HCRTR1: variants seen among roughly 807,000 people sequenced by gnomAD.
HCRTR1 encodes orexin/Hypocretin receptor type 1.
In HCRTR1, 28 loss-of-function variants were observed where a neutral mutation model predicts 40.6. The observed-to-expected ratio is 0.69, with a 90% confidence interval of 0.51 to 0.95. The LOEUF is 0.95. HCRTR1 is among the 40% of genes least tolerant of loss of function. The pLI, the probability that HCRTR1 is intolerant of heterozygous loss-of-function variation, is 0.00. For synonymous variants in HCRTR1, 209 were observed against 230.0 expected (o/e 0.91, Z 0.83); for missense variants, 482 against 564.7 (o/e 0.85, Z 1.48).
In HCRTR1 at chr1:31,620,942, C is replaced by T. The variant is rs202061731; in HGVS notation, c.478C>T (p.Arg160Trp). ...HPLLFKSTAR[R>W]ARGSILGIWA... ...ACTATTGTTCAAGAGCACAGCCCGG[C>T]GGGCCCGTGGCTCCATCCTGGGCAT... Residue 160 changes from arginine (R) to tryptophan (W), a missense_variant, in exon 5 of 9, where the codon CGG becomes TGG. Arg to Trp is a moderately radical substitution (Grantham distance 101). Coordinates refer to ENST00000403528, the MANE Select transcript of HCRTR1 (RefSeq NM_001525.3). 8.4e-5 allele frequency: 135 copies of T among 1,614,012 alleles called. No homozygotes were observed. Among genetic ancestry groups the T allele is most frequent in the African/African-American group, 6.7e-5 (5 of 74,940 alleles).
At chr1:31,620,428 A>G (rs1385772059) in intron 4 of HCRTR1, among the ~76,000 whole-genome samples, 1 of 152,192 alleles carries the variant, frequency 6.6e-6, no homozygotes, top group African/African-American at 2.4e-5. Context: ...GAGCATAAAG[A>G]CAGATGGATG....
rs201032629 is a variant in HCRTR1 at position 31,624,976 on chromosome 1, G to A, written c.966-21G>A. ...CATACGCAGCTACCCCATTTCTGAC[G>A]CTCCTCCACCCTGGGCCTAGGGTGT... On this transcript the variant is annotated intron_variant, in intron 7 of 8. Coordinates refer to ENST00000403528, the MANE Select transcript of HCRTR1 (RefSeq NM_001525.3). 467 of 1,573,216 alleles carry A rather than the reference G, an allele frequency of 3.0e-4. 2 individuals are homozygous for A. The highest frequency in any genetic ancestry group is 3.3e-4 in the Non-Finnish European group (382 of 1,153,140).
chr1:31,631,713 A>G (rs897730807), downstream of HCRTR1, among the ~76,000 whole-genome samples: 8 of 152,246 alleles, frequency 5.3e-5, no homozygotes, highest in East Asian at 1.3e-3. Context: ...GTTGTGGTTA[A>G]TATCACCCTT....
In HCRTR1 at chr1:31,627,280, G is replaced by T; in HGVS notation, c.*300G>T. 1 of 1,397,932 alleles carries T rather than the reference G, an allele frequency of 7.2e-7. No homozygotes were observed. The highest frequency in any genetic ancestry group is 9.4e-7 in the Non-Finnish European group (1 of 1,059,250). The allele number at this position is 1,397,932 out of a possible 1,614,324, so 86.6% of individuals were successfully genotyped here. ...AATCTGTCCCCATCCTCCTTCCAGA[G>T]CTTGGTCATCCTCCTAAAGACCCCT... On this transcript the variant is annotated 3_prime_UTR_variant, in exon 9 of 9. Transcript: ENST00000403528.
In HCRTR1 at chr1:31,626,806, G is replaced by A; in HGVS notation, c.1104G>A (p.Gln368=). ...YNFLSGKFRE[Q]FKAAFSCCLP... is the part of the protein sequence containing the mutation. The stretch of plus-strand genomic sequence containing the variant: ...CCAACCAAGGCAAATTCCGGGAGCA[G>A]TTTAAGGCTGCCTTCTCCTGCTGCC... The change falls in exon 9 of 9, where the codon CAG becomes CAA. Residue 368 remains glutamine (Q), a synonymous_variant. Transcript: ENST00000403528. The surrounding 1 kb of genome is among the most constrained non-coding windows in gnomAD (Gnocchi z 4.6). 4 of 1,613,970 alleles carry A rather than the reference G, an allele frequency of 2.5e-6. No individual in the cohort carries two copies. Among genetic ancestry groups the A allele is most frequent in the Non-Finnish European group, 3.4e-6 (4 of 1,179,922 alleles).
rs375159606 is a variant in HCRTR1, at chr1:31,627,003, C to T, written c.*23C>T. On this transcript the variant is annotated 3_prime_UTR_variant, in exon 9 of 9. Transcript: ENST00000403528. Reference sequence around the variant, plus strand: ...TGAGCGAGGGCTGCCCTGGAGGCTCCGGCTCGGGGGATCTGCCCCTACCCC... The same window carrying T: ...TGAGCGAGGGCTGCCCTGGAGGCTCTGGCTCGGGGGATCTGCCCCTACCCC... 55 of 1,596,860 alleles carry T rather than the reference C, an allele frequency of 3.4e-5. No homozygotes were observed. Among genetic ancestry groups the T allele is most frequent in the Admixed American group, 1.3e-4 (8 of 59,320 alleles).
chr1:31,631,930 C>CG (rs999420020), downstream of HCRTR1, among the ~76,000 whole-genome samples: 1 of 152,008 alleles, frequency 6.6e-6, no homozygotes, highest in Non-Finnish European at 1.5e-5. Flanking sequence ...GGGTCCTCCC[C>CG]CAACCTCTTA....
chr1:31,629,471 T>C (rs1640037245), downstream of HCRTR1, among the ~76,000 whole-genome samples: 1 of 152,232 alleles, frequency 6.6e-6, no homozygotes, highest in Non-Finnish European at 1.5e-5. Context: ...GACTTGCAAG[T>C]ACAGATGTCT....
downstream of HCRTR1, chr1:31,630,681 C>A (rs539499336): frequency 6.2e-7 from 1 of 1,613,846 alleles, no homozygotes; most frequent in East Asian, 2.2e-5. Flanking sequence ...CCTTGTACAG[C>A]TGTGTCCTTC....
chr1:31,627,674 T>C (rs1557581210), downstream of HCRTR1: 1 of 276,982 alleles, frequency 3.6e-6, no homozygotes, highest in Non-Finnish European at 7.2e-6. Context: ...CAGAAGAAGG[T>C]GGGGAAGCTG....
At chr1:31,624,448 CAAAA>C (rs11438872) in intron 7 of HCRTR1, among the ~76,000 whole-genome samples, 1 of 111,046 alleles carries the variant, frequency 9.0e-6, no homozygotes, top group African/African-American at 5.0e-5. Context: ...ACAGCTGTCT[CAAAA>C]AAAAAAAAAA....
At chr1:31,622,467 C>A (rs895447411) in intron 6 of HCRTR1, among the ~76,000 whole-genome samples, 2 of 152,050 alleles carry the variant, frequency 1.3e-5, no homozygotes. Context: ...CAGTAGGACC[C>A]TTCCTGACTG....
downstream of HCRTR1, chr1:31,633,126 C>T (rs1312155582): frequency 8.8e-6 from 14 of 1,594,348 alleles, no homozygotes; most frequent in Non-Finnish European, 1.1e-5. Context: ...GGCTCTGCCC[C>T]AGCTCAGGCC....
Position 31,626,864 on chromosome 1 carries a change from G to A in HCRTR1, c.1162G>A (p.Ala388Thr). The A allele has an allele frequency of 1.9e-6, 3 of 1,613,996 alleles. No homozygotes were observed. The highest frequency in any genetic ancestry group is 1.1e-5 in the South Asian group (1 of 91,086). ...CCTGGGTCCCTGCGGCTCTCTGAAG[G>A]CCCCTAGTCCCCGCTCCTCTGCCAG... is the stretch of plus-strand genomic sequence containing the variant. ...PGLGPCGSLK[A>T]PSPRSSASHK... Residue 388 changes from alanine to threonine, a missense_variant, in exon 9 of 9, where the codon GCC becomes ACC. By Grantham distance (58) the Ala-to-Thr change is moderately conservative. Coordinates refer to ENST00000403528, the MANE Select transcript of HCRTR1 (RefSeq NM_001525.3). The surrounding 1 kb of genome is among the most constrained non-coding windows in gnomAD (Gnocchi z 4.6).
At chr1:31,633,785 G>A (rs1180523204), downstream of HCRTR1, among the ~76,000 whole-genome samples, 3 of 152,004 alleles carry the variant, frequency 2.0e-5, no homozygotes, top group South Asian at 2.1e-4. Context: ...GAGAAACCCC[G>A]TCTCTACTAA....
chr1:31,627,783 A>G (rs1640008994), downstream of HCRTR1, among the ~76,000 whole-genome samples: 1 of 152,202 alleles, frequency 6.6e-6, no homozygotes, highest in Non-Finnish European at 1.5e-5. Context: ...GCCTCGGCAC[A>G]CGTGGTGCTG....
intron 1 of HCRTR1, among the ~76,000 whole-genome samples, 161 bp from the exon 2 acceptor site, chr1:31,618,595 C>T (rs1024742059): frequency 1.6e-4 from 25 of 152,150 alleles, no homozygotes; most frequent in African/African-American, 5.3e-4. Flanking sequence ...GGCTTCTCCT[C>T]CCAAATCTAC....
downstream of HCRTR1, chr1:31,630,181 C>T: frequency 4.1e-6 from 1 of 241,986 alleles, no homozygotes. Flanking sequence ...CATGCTTGGT[C>T]AGATTCCACT....
At chr1:31,621,983 G>C (rs540323421) in intron 6 of HCRTR1, among the ~76,000 whole-genome samples, 1 of 152,278 alleles carries the variant, frequency 6.6e-6, no homozygotes, top group African/African-American at 2.4e-5. Context: ...AGCTCCCACT[G>C]CTCAGTTTAG....
Sources: allele counts gnomAD v4.1 joint callset (sites outside exome capture counted in the v4.1 genomes callset), GRCh38; gene constraint gnomAD v4.1.1; non-coding constraint Gnocchi (gnomAD v3.1); transcripts MANE v1.5; gene names NCBI Gene and HGNC (gene_info 2026-07-23, HGNC 2026-07-21).